Variants in HAPLN3 observed in about 807,000 individuals in gnomAD.
HAPLN3 encodes hyaluronan and proteoglycan link protein 3.
Under a neutral mutation model 28.1 loss-of-function variants are expected in HAPLN3, and 28 were observed. That is an observed-to-expected ratio of 1.00 (90% confidence interval 0.74 to 1.37). The LOEUF (loss-of-function observed/expected upper bound fraction) is 1.37, where lower values mean the gene tolerates loss of function less well. Among genes scored for constraint, HAPLN3 ranks in the 40% most tolerant of loss-of-function variants. The pLI is 0.00. For synonymous variants in HAPLN3, 211 were observed against 213.1 expected (o/e 0.99, Z 0.09); for missense variants, 513 against 504.6 (o/e 1.02, Z -0.16).
In HAPLN3 at chr15:88,881,392, T is replaced by G. The variant is rs1443052025; in HGVS notation, c.458A>C (p.Glu153Ala). 1 of 1,613,696 alleles carries G rather than the reference T, an allele frequency of 6.2e-7. No individual in the cohort carries two copies. The highest frequency in any genetic ancestry group is 1.7e-5 in the Admixed American group (1 of 59,994). ...CAGCTCCACCAGACCGCTTTCATCC[T>G]CCAGCCCGTCAATGACCTCACAGCG... ...RYRCEVIDGL[E>A]DESGLVELEL... Residue 153 changes from glutamate (E) to alanine (A), a missense_variant, in exon 3 of 5, where the codon GAG becomes GCG. Glu to Ala is a moderately radical substitution (Grantham distance 107). Coordinates refer to ENST00000359595, the MANE Select transcript of HAPLN3 (RefSeq NM_178232.4). The surrounding 1 kb of genome is among the most constrained non-coding windows in gnomAD (Gnocchi z 6.0).
At chr15:88,882,620 C>T (rs1897737104) in intron 2 of HAPLN3, among the ~76,000 whole-genome samples, 1 of 152,232 alleles carries the variant, frequency 6.6e-6, no homozygotes, top group Non-Finnish European at 1.5e-5. Flanking sequence ...TAGGCTAAGG[C>T]TGCCTCATCT....
rs754538026 is a variant in HAPLN3 at position 88,878,198 on chromosome 15, G to A, written c.855C>T (p.Ala285=). The A allele has an allele frequency of 1.2e-6, 2 of 1,614,128 alleles. No individual in the cohort carries two copies. The highest frequency in any genetic ancestry group is 2.2e-5 in the South Asian group (2 of 91,078). Residue 285 remains alanine (A), a synonymous_variant, in exon 5 of 5, where the codon GCC becomes GCT. Transcript: ENST00000359595. ...EKLTLTEARE[A]CQEDDATIAK... ...CGATCGTGGCATCATCTTCCTGGCA[G>A]GCCTCCCTTGCCTCTGTCAGCGTCA...
rs80355480 is a variant in HAPLN3 at position 88,877,889 on chromosome 15, G to A, written c.*81C>T. 7.4e-7 allele frequency: 1 copy of A among 1,348,098 alleles called. No homozygotes were observed. The highest frequency in any genetic ancestry group is 2.4e-5 in the East Asian group (1 of 42,306). 83.5% of individuals were successfully genotyped at this position (1,348,098 alleles called of 1,614,324 possible). On this transcript the variant is annotated 3_prime_UTR_variant, in exon 5 of 5. Transcript: ENST00000359595. This position sits in a 1 kb window ranked among gnomAD's most constrained non-coding sequence, Gnocchi z 5.1. ...TGAGAAGTATAAAAACAGTTAAAAT[G>A]GCTCCAACCCACAAGGGAAAACGAA...
chr15:88,893,993 G>A (rs936197736), intron 1 of HAPLN3, among the ~76,000 whole-genome samples: 12 of 151,548 alleles, frequency 7.9e-5, no homozygotes, highest in African/African-American at 2.7e-4. Flanking sequence ...AAACACTCTC[G>A]TGAAGATTAA....
intron 1 of HAPLN3, among the ~76,000 whole-genome samples, chr15:88,894,491 C>A (rs998909655): frequency 6.6e-6 from 1 of 152,186 alleles, no homozygotes; most frequent in African/African-American, 2.4e-5. Flanking sequence ...CTGCTCCCAG[C>A]GAGAAATTTG....
Position 88,890,570 on chromosome 15 carries a change from C to T in HAPLN3, c.-47-3225G>A, listed in dbSNP as rs55698343. Among the ~76,000 whole-genome samples, 1,448 of 152,286 alleles carry T rather than the reference C, an allele frequency of 9.5e-3. 14 individuals are homozygous for T. The highest frequency in any genetic ancestry group is 0.014 in the Non-Finnish European group (931 of 68,022). On this transcript the variant is annotated intron_variant, in intron 1 of 4. Coordinates refer to ENST00000359595, the MANE Select transcript of HAPLN3 (RefSeq NM_178232.4). ...AGTAACAGAGGTCTAGATGGGTGCA[C>T]GACCGTTCAGCTGAAGACTGCATTT...
At chr15:88,886,829 A>G (rs996555778) in intron 2 of HAPLN3, among the ~76,000 whole-genome samples, 1 of 152,242 alleles carries the variant, frequency 6.6e-6, no homozygotes, top group Non-Finnish European at 1.5e-5. Flanking sequence ...TATCTCAAAA[A>G]CAAACAAAAA....
Position 88,888,640 on chromosome 15 carries a change from C to A in HAPLN3, c.-47-1295G>T, listed in dbSNP as rs148874901. Among the ~76,000 whole-genome samples, 3 of 152,164 alleles carry A rather than the reference C, an allele frequency of 2.0e-5. No individual in the cohort carries two copies. Among genetic ancestry groups the A allele is most frequent in the Non-Finnish European group, 4.4e-5 (3 of 68,040 alleles). On this transcript the variant is annotated intron_variant, in intron 1 of 4. Transcript: ENST00000359595. The surrounding 1 kb of genome is among the most constrained non-coding windows in gnomAD (Gnocchi z 4.1). ...AGCCCTGCTCACCTGCCATTTACTG[C>A]GTGCTCTCAACAATTAAAAGATGGG... is the stretch of plus-strand genomic sequence containing the variant.
At chr15:88,883,559 C>T (rs1369127694) in intron 2 of HAPLN3, among the ~76,000 whole-genome samples, 2 of 152,204 alleles carry the variant, frequency 1.3e-5, no homozygotes, top group Non-Finnish European at 2.9e-5. Flanking sequence ...CTTGGTTCTT[C>T]CCAACTCTCT....
rs367774112 is a variant in HAPLN3 at position 88,879,990 on chromosome 15, A to C, written c.494-721T>G. Reference sequence around the variant, plus strand: ...TGGAGGTGACCCTAGGGGTCTGGGAAGGACACTTTGGAATCTCCTCCGTGT... The same window carrying C: ...TGGAGGTGACCCTAGGGGTCTGGGACGGACACTTTGGAATCTCCTCCGTGT... On this transcript the variant is annotated intron_variant, in intron 3 of 4. Coordinates refer to ENST00000359595, the MANE Select transcript of HAPLN3 (RefSeq NM_178232.4). This position sits in a 1 kb window ranked among gnomAD's most constrained non-coding sequence, Gnocchi z 5.0. 1.6e-4 allele frequency: 162 copies of C among 995,262 alleles called. No individual in the cohort carries two copies. In the East Asian group the frequency reaches 7.8e-3, roughly 48 times the overall value. 61.7% of individuals were successfully genotyped at this position (995,262 alleles called of 1,614,324 possible). A position where few individuals can be genotyped will look rare whatever the true frequency, so the allele number is the denominator to read the frequency against.
chr15:88,893,168 A>G (rs1034227968), intron 1 of HAPLN3: 2 of 697,624 alleles, frequency 2.9e-6, no homozygotes, highest in African/African-American at 3.5e-5. Context: ...GTAATCCTAC[A>G]GCATTTGGGG....
chr15:88,878,563 C>T (rs12902519), intron 4 of HAPLN3, among the ~76,000 whole-genome samples: 1 of 152,182 alleles, frequency 6.6e-6, no homozygotes, highest in African/African-American at 2.4e-5. Flanking sequence ...TACTGAACAC[C>T]TACTATGTGT....
chr15:88,894,313 A>G (rs1319105326), intron 1 of HAPLN3, among the ~76,000 whole-genome samples: 2 of 152,146 alleles, frequency 1.3e-5, no homozygotes, highest in African/African-American at 4.8e-5. Flanking sequence ...TGCTTTTCCC[A>G]GGCGCCCCAG....
chr15:88,883,171 CCCTCGGG>C (rs1184100615), intron 2 of HAPLN3, among the ~76,000 whole-genome samples: 3 of 152,222 alleles, frequency 2.0e-5, no homozygotes, highest in Non-Finnish European at 4.4e-5. Flanking sequence ...CCAAGTGTGG[CCCTCGGG>C]CCAGCAGCAT....
In HAPLN3 at chr15:88,882,742, G is replaced by A. The variant is rs1325519574; in HGVS notation, c.125-1017C>T. On this transcript the variant is annotated intron_variant, in intron 2 of 4. Transcript: ENST00000359595. ...ACAGGGGCCAGGCACGGTGGTTCAC[G>A]CTTATAATCCCAACACTTTGAGAGG... Among the ~76,000 whole-genome samples the A allele has an allele frequency of 2.6e-5, 4 of 152,216 alleles. No homozygotes were observed. In the East Asian group the frequency reaches 5.8e-4, roughly 22 times the overall value.
chr15:88,890,727 C>G (rs1897990061), intron 1 of HAPLN3, among the ~76,000 whole-genome samples: 1 of 152,160 alleles, frequency 6.6e-6, no homozygotes, highest in Non-Finnish European at 1.5e-5. Flanking sequence ...TTCCTTCCCC[C>G]AACCTTCTGG....
chr15:88,892,346 A>G (rs1299813892), intron 1 of HAPLN3, among the ~76,000 whole-genome samples: 1 of 151,710 alleles, frequency 6.6e-6, no homozygotes, highest in Non-Finnish European at 1.5e-5. Flanking sequence ...AATCCCAGCT[A>G]CTCCAGAGGC....
intron 2 of HAPLN3, among the ~76,000 whole-genome samples, chr15:88,886,740 G>T (rs926587924): frequency 2.6e-5 from 4 of 152,136 alleles, no homozygotes; most frequent in Non-Finnish European, 5.9e-5. Flanking sequence ...CAGGAGAATC[G>T]CTTGAACCCG....
chr15:88,894,406 C>A (rs193115421), intron 1 of HAPLN3, among the ~76,000 whole-genome samples: 4 of 152,284 alleles, frequency 2.6e-5, no homozygotes, highest in African/African-American at 9.6e-5. Flanking sequence ...TGCATGTCCG[C>A]ACTGGGCCTT....
Sources: allele counts gnomAD v4.1 joint callset (sites outside exome capture counted in the v4.1 genomes callset), GRCh38; gene constraint gnomAD v4.1.1; non-coding constraint Gnocchi (gnomAD v3.1); transcripts MANE v1.5; gene names NCBI Gene and HGNC (gene_info 2026-07-23, HGNC 2026-07-21).